The following LY75 variants were observed in gnomAD, a reference collection of about 807,000 sequenced individuals.
LY75 encodes C-type lectin domain family 13 member B.
Under a neutral mutation model 231.7 loss-of-function variants are expected in LY75, and 185 were observed. The observed-to-expected ratio is 0.80, with a 90% confidence interval of 0.71 to 0.90. The LOEUF (loss-of-function observed/expected upper bound fraction) is 0.90, where lower values mean the gene tolerates loss of function less well. Ranked by LOEUF, LY75 falls within the 40% of genes least tolerant of loss-of-function variation. The probability of loss-of-function intolerance (pLI) is 0.00; values close to 1 mark genes in which losing one functional copy is unlikely to be tolerated. For synonymous variants in LY75, 668 were observed against 689.0 expected, an observed-to-expected ratio of 0.97 and a Z score of 0.48; for missense variants, 1,947 against 2,050.2, an observed-to-expected ratio of 0.95 and a Z score of 0.97.
chr2:159,850,266 T>G (rs1684342509), intron 22 of LY75, 96 bp downstream of exon 22: 1 of 1,520,312 alleles, frequency 6.6e-7, no homozygotes, highest in Non-Finnish European at 8.8e-7. Context: ...CAAAAGAAGT[T>G]TAATAAGAAT....
intron 2 of LY75, among the ~76,000 whole-genome samples, chr2:159,895,603 T>G (rs769402331): frequency 9.2e-5 from 14 of 152,162 alleles, no homozygotes; most frequent in Non-Finnish European, 1.8e-4. Context: ...AAATCCCCAT[T>G]TTTGCAGAGT....
chr2:159,870,791 C>A (rs1684990995), intron 13 of LY75, among the ~76,000 whole-genome samples: 1 of 151,888 alleles, frequency 6.6e-6, no homozygotes, highest in Non-Finnish European at 1.5e-5. Context: ...GGATTACAGG[C>A]ATAAGCCACC....
At chr2:159,821,619 CAA>C (rs1184847871) in intron 28 of LY75, among the ~76,000 whole-genome samples, 1 of 35,912 alleles carries the variant, frequency 2.8e-5, no homozygotes. Flanking sequence ...AAGTCTGTCT[CAA>C]AAAAAAAAAA....
chr2:159,870,930 G>T (rs1167045896), intron 13 of LY75, among the ~76,000 whole-genome samples: 1 of 151,978 alleles, frequency 6.6e-6, no homozygotes, highest in Non-Finnish European at 1.5e-5. Context: ...TTGATAATCT[G>T]TCTTTTCCTC....
intron 13 of LY75, among the ~76,000 whole-genome samples, chr2:159,869,005 C>A (rs778911194): frequency 6.6e-6 from 1 of 152,054 alleles, no homozygotes; most frequent in Non-Finnish European, 1.5e-5. Context: ...TGTAGGGACA[C>A]GGATGAAGCT....
chr2:159,810,363 T>G (rs1329485173), intron 32 of LY75, among the ~76,000 whole-genome samples, 163 bp downstream of exon 32: 1 of 152,024 alleles, frequency 6.6e-6, no homozygotes, highest in East Asian at 1.9e-4. Flanking sequence ...CATCAGATAC[T>G]TAACCATTTC....
chr2:159,815,606 C>T (rs1048595355), intron 30 of LY75, 33 bp from the exon 31 acceptor site: 2 of 1,587,836 alleles, frequency 1.3e-6, no homozygotes, highest in African/African-American at 2.7e-5. Context: ...AACCTGAATC[C>T]AGATGTTTGA....
chr2:159,878,302 C>A (rs372652260), intron 11 of LY75, 22 bp downstream of exon 11: 4 of 1,610,786 alleles, frequency 2.5e-6, no homozygotes, highest in Non-Finnish European at 3.4e-6. Flanking sequence ...TATACTACTA[C>A]TTCAAAGATT....
At chr2:159,838,818 T>C (rs578182016) in intron 25 of LY75, among the ~76,000 whole-genome samples, 1 of 152,220 alleles carries the variant, frequency 6.6e-6, no homozygotes, top group Non-Finnish European at 1.5e-5. Flanking sequence ...TATTTAGAGA[T>C]GGAGTCTCAC....
rs1320717183 is a variant in LY75, at chr2:159,858,483, G to T, written c.2269-7C>A. ...GCCATGGCCTATGAAATACCTATAA[G>T]AGGAAAAGTATTGCAGAATATTTTG... On this transcript the variant is annotated splice_region_variant and splice_polypyrimidine_tract_variant and intron_variant, in intron 15 of 34. Transcript: ENST00000263636. 1 of 1,606,436 alleles carries T rather than the reference G, an allele frequency of 6.2e-7. No individual in the cohort carries two copies. Among genetic ancestry groups the T allele is most frequent in the Admixed American group, 1.7e-5 (1 of 58,692 alleles).
At chr2:159,809,180 T>G (rs1682880485) in intron 32 of LY75, among the ~76,000 whole-genome samples, 1 of 152,228 alleles carries the variant, frequency 6.6e-6, no homozygotes, top group Admixed American at 6.5e-5. Context: ...ATAAATTAGA[T>G]AAATGCCATC....
intron 16 of LY75, among the ~76,000 whole-genome samples, chr2:159,857,370 A>C (rs1458143451): frequency 6.6e-6 from 1 of 152,242 alleles, no homozygotes; most frequent in Non-Finnish European, 1.5e-5. Flanking sequence ...TGATCTGTTT[A>C]CATTCAGTTC....
At chr2:159,816,681 T>G in intron 30 of LY75, 125 bp downstream of exon 30, 6 of 1,362,102 alleles carry the variant, frequency 4.4e-6, no homozygotes, top group Non-Finnish European at 5.9e-6. Context: ...GAAAGCACCA[T>G]GCTATGCAAG....
chr2:159,893,224 T>A (rs1259496611), intron 3 of LY75, among the ~76,000 whole-genome samples: 1 of 152,154 alleles, frequency 6.6e-6, no homozygotes, highest in Non-Finnish European at 1.5e-5. Flanking sequence ...AAGTTCCCTC[T>A]GTTTCAATGC....
chr2:159,860,749 G>A, intron 15 of LY75, 72 bp downstream of exon 15: 1 of 1,562,610 alleles, frequency 6.4e-7, no homozygotes, highest in African/African-American at 1.4e-5. Flanking sequence ...ACACTCCATG[G>A]ATCTGTTACT....
At chr2:159,831,840 C>T (rs6755783) in intron 27 of LY75, 54 bp from the exon 28 acceptor site, 689,774 of 1,424,970 alleles carry the variant, frequency 0.48, 173,013 homozygotes, top group Non-Finnish European at 0.52. Context: ...TAGTACACTT[C>T]TATTTGATAA....
chr2:159,811,177 G>A (rs551178591), intron 31 of LY75, among the ~76,000 whole-genome samples: 12 of 151,770 alleles, frequency 7.9e-5, no homozygotes, highest in Non-Finnish European at 1.2e-4. Flanking sequence ...CGCCTAGCCC[G>A]TTGGATTCCT....
intron 2 of LY75, among the ~76,000 whole-genome samples, chr2:159,897,912 G>A (rs999709055): frequency 6.6e-6 from 1 of 152,022 alleles, no homozygotes; most frequent in Non-Finnish European, 1.5e-5. Context: ...TCCGCTCCCC[G>A]CAAGGCAATA....
chr2:159,830,716 A>T (rs1165554804), intron 28 of LY75, among the ~76,000 whole-genome samples: 1 of 151,792 alleles, frequency 6.6e-6, no homozygotes, highest in Admixed American at 6.6e-5. Flanking sequence ...CAGCTTCCCA[A>T]GTAACTAGGC....
Sources: gnomAD v4.1 joint callset for allele counts (sites outside exome capture counted in the v4.1 genomes callset) on GRCh38, gnomAD v4.1.1 for gene constraint, MANE v1.5 for transcripts, NCBI Gene and HGNC (gene_info 2026-07-23, HGNC 2026-07-21) for gene names.